The following PAPPA variants were observed in gnomAD, a reference collection of about 807,000 sequenced individuals.
The protein encoded by PAPPA is pappalysin-1.
PAPPA carries 60 observed loss-of-function variants against 164.0 expected under a neutral mutation model. That is an observed-to-expected ratio of 0.37 (90% confidence interval 0.30 to 0.45). PAPPA has a LOEUF of 0.45. Among genes scored for constraint, PAPPA ranks in the 20% least tolerant of loss-of-function variants. The pLI is 1.00. For missense variants in PAPPA, 1,782 were observed against 2,087.3 expected (o/e 0.85, Z 2.85); for synonymous variants, 875 against 814.1 (o/e 1.07, Z -1.27).
chr9:116,334,236 A>AT (rs905649495), intron 12 of PAPPA, among the ~76,000 whole-genome samples: 1 of 127,026 alleles, frequency 7.9e-6, no homozygotes, highest in Non-Finnish European at 1.7e-5. Flanking sequence ...TGCTGGCTGC[A>AT]TTAAAAAAAA....
chr9:116,167,495 G>A (rs1476517997), intron 1 of PAPPA, among the ~76,000 whole-genome samples: 1 of 152,180 alleles, frequency 6.6e-6, no homozygotes, highest in Non-Finnish European at 1.5e-5. Flanking sequence ...AAGATACTCT[G>A]TTTGCCAAAA....
At chr9:116,361,644 A>C (rs1846428131) in intron 17 of PAPPA, among the ~76,000 whole-genome samples, 2 of 152,064 alleles carry the variant, frequency 1.3e-5, no homozygotes, top group Admixed American at 1.3e-4. Flanking sequence ...CCTCATAACC[A>C]GTTACTCTTC....
At chr9:116,307,088 G>T (rs1197498835) in intron 10 of PAPPA, among the ~76,000 whole-genome samples, 1 of 152,176 alleles carries the variant, frequency 6.6e-6, no homozygotes, top group African/African-American at 2.4e-5. Flanking sequence ...GATATAAGAA[G>T]TTCCCCAACA....
intron 9 of PAPPA, among the ~76,000 whole-genome samples, chr9:116,280,747 C>T (rs1564208779): frequency 6.6e-6 from 1 of 152,222 alleles, no homozygotes; most frequent in Non-Finnish European, 1.5e-5. Flanking sequence ...CATGGCCAAC[C>T]CAGCCTGCTG....
At chr9:116,228,768 T>TC (rs1202036695) in intron 6 of PAPPA, among the ~76,000 whole-genome samples, 1 of 152,138 alleles carries the variant, frequency 6.6e-6, no homozygotes, top group African/African-American at 2.4e-5. Context: ...AGTGCAGGAA[T>TC]CCCCTCTATG....
chr9:116,298,557 C>A (rs1053723776), intron 9 of PAPPA, among the ~76,000 whole-genome samples: 6 of 152,196 alleles, frequency 3.9e-5, no homozygotes, highest in African/African-American at 1.4e-4. Context: ...CACCACCTGG[C>A]TTACAGCTCC....
At position 116,347,904 on chromosome 9, in the gene PAPPA, G is replaced by T. The variant is rs762942841; in HGVS notation, c.3964+695G>T. On this transcript the variant is annotated intron_variant, in intron 15 of 21. Transcript: ENST00000328252. This position sits in a 1 kb window ranked among gnomAD's most constrained non-coding sequence, Gnocchi z 4.5. Reference sequence around the variant, plus strand: ...TCCTAGAATGCTGGGACTAGATGTGGAATGTGTTAATAACTCCAGACTAGG... The same window carrying T: ...TCCTAGAATGCTGGGACTAGATGTGTAATGTGTTAATAACTCCAGACTAGG... 6.6e-6 allele frequency among the ~76,000 whole-genome samples: 1 copy of T among 152,208 alleles called. No individual in the cohort carries two copies. The highest frequency in any genetic ancestry group is 1.5e-5 in the Non-Finnish European group (1 of 68,036).
intron 2 of PAPPA, among the ~76,000 whole-genome samples, chr9:116,204,647 C>A (rs1396511164): frequency 6.6e-6 from 1 of 152,034 alleles, no homozygotes; most frequent in South Asian, 2.1e-4. Context: ...AACTCCTGGC[C>A]TCAAGCATTC....
At chr9:116,177,638 C>T (rs1215158815) in intron 1 of PAPPA, among the ~76,000 whole-genome samples, 1 of 152,158 alleles carries the variant, frequency 6.6e-6, no homozygotes, top group Non-Finnish European at 1.5e-5. Context: ...TGGTCCTTGA[C>T]CATTTTCTGG....
intron 1 of PAPPA, among the ~76,000 whole-genome samples, chr9:116,169,307 A>ATTTTTTT (rs1843748582): frequency 4.8e-5 from 2 of 41,322 alleles, no homozygotes; most frequent in African/African-American, 7.0e-5. Flanking sequence ...CTCCAAACCC[A>ATTTTTTT]TTCTTTTTTT....
At chr9:116,324,961 A>C (rs79149713) in intron 10 of PAPPA, among the ~76,000 whole-genome samples, 24,847 of 152,152 alleles carry the variant, frequency 0.16, 2,406 homozygotes, top group Non-Finnish European at 0.22. Context: ...CATGGGCAGC[A>C]TGGTGGGTGG....
At position 116,187,099 on chromosome 9, in the gene PAPPA, C is replaced by T. The variant is rs886785002; in HGVS notation, c.416-55C>T. The stretch of plus-strand genomic sequence containing the variant: ...TTTTATTAGAGAAAAATAACTTAAC[C>T]CCCCCTCCTTTTCCATCCTTTATTT... On this transcript the variant is annotated intron_variant, in intron 1 of 21. Transcript: ENST00000328252. This position sits in a 1 kb window ranked among gnomAD's most constrained non-coding sequence, Gnocchi z 4.2. 2.3e-5 allele frequency: 29 copies of T among 1,278,638 alleles called. No homozygotes were observed. Among genetic ancestry groups the T allele is most frequent in the Middle Eastern group, 1.9e-4 (1 of 5,252 alleles). The allele number at this position is 1,278,638 out of a possible 1,614,324, so 79.2% of individuals were successfully genotyped here.
rs764565652 is a variant in PAPPA at position 116,331,196 on chromosome 9, T to C, written c.3148-48T>C. On this transcript the variant is annotated intron_variant, in intron 10 of 21. Coordinates refer to ENST00000328252, the MANE Select transcript of PAPPA (RefSeq NM_002581.5). ...TTTGTAAAATTGAATTTAGTTGAAC[T>C]TCTGACACTCTCTAAAACATGATTA... The C allele has an allele frequency of 4.1e-6, 5 of 1,207,112 alleles. No homozygotes were observed. The Admixed American group carries it at 8.6e-5, about 21-fold the overall frequency. The allele number at this position is 1,207,112 out of a possible 1,614,324, so 74.8% of individuals were successfully genotyped here. A position where few individuals can be genotyped will look rare whatever the true frequency, so the allele number is the denominator to read the frequency against.
chr9:116,375,057 T>C (rs1846632400), intron 19 of PAPPA, among the ~76,000 whole-genome samples: 1 of 152,226 alleles, frequency 6.6e-6, no homozygotes, highest in Non-Finnish European at 1.5e-5. Context: ...AAGAAATTGG[T>C]ACTAGGTTTA....
intron 6 of PAPPA, among the ~76,000 whole-genome samples, chr9:116,231,778 T>TTTTTTTTTTTTTTA (rs1564192736): frequency 1.4e-5 from 2 of 144,094 alleles, no homozygotes; most frequent in Non-Finnish European, 3.0e-5. Context: ...TTTTTTTTTT[T>TTTTTTTTTTTTTTA]GAGATGGAGT....
chr9:116,304,103 C>T (rs1845614038), intron 10 of PAPPA, among the ~76,000 whole-genome samples: 1 of 152,132 alleles, frequency 6.6e-6, no homozygotes, highest in Non-Finnish European at 1.5e-5. Context: ...GTTCATCCTC[C>T]CCCTGTGCCA....
intron 14 of PAPPA, among the ~76,000 whole-genome samples, chr9:116,345,884 G>A (rs372944180): frequency 1.3e-5 from 2 of 152,302 alleles, no homozygotes; most frequent in East Asian, 1.9e-4. Context: ...GAGGATTTCT[G>A]TCACTAAATG....
At position 116,352,924 on chromosome 9, in the gene PAPPA, G is replaced by A. The variant is rs776661419; in HGVS notation, c.4175+8G>A. ...CTCTCGGAAGTCAAAGAAGTAAGTGGGGTTGGAAATGCAAACTTATGGTCT... is the reference window on the plus strand; with the variant it reads ...CTCTCGGAAGTCAAAGAAGTAAGTGAGGTTGGAAATGCAAACTTATGGTCT... On this transcript the variant is annotated splice_region_variant and intron_variant, in intron 16 of 21. Transcript: ENST00000328252. 2.7e-5 allele frequency: 43 copies of A among 1,610,096 alleles called. No homozygotes were observed. The highest frequency in any genetic ancestry group is 4.0e-5 in the African/African-American group (3 of 74,832).
In PAPPA at chr9:116,235,419, A is replaced by G. The variant is rs139072912; in HGVS notation, c.2514A>G (p.Pro838=). Residue 838 remains proline (P), a synonymous_variant, in exon 7 of 22, where the codon CCA becomes CCG. Transcript: ENST00000328252. ...CTCAGAATGTCTTCTGTGATGTCCC[A>G]CTGACCATCAGACTCTGGGACGTGG... The part of the protein sequence containing the change: ...LGPQNVFCDV[P]LTIRLWDVGE... 84 of 1,613,760 alleles carry G rather than the reference A, an allele frequency of 5.2e-5. No homozygotes were observed. The African/African-American group carries it at 1.1e-3, about 20-fold the overall frequency.
Sources: gnomAD v4.1 joint callset for allele counts (sites outside exome capture counted in the v4.1 genomes callset) on GRCh38, gnomAD v4.1.1 for gene constraint, Gnocchi (gnomAD v3.1) non-coding constraint, MANE v1.5 for transcripts, NCBI Gene and HGNC (gene_info 2026-07-23, HGNC 2026-07-21) for gene names.